DPP10: variants seen among roughly 807,000 people sequenced by gnomAD.
The protein encoded by DPP10 is inactive dipeptidyl peptidase 10.
In DPP10, 33 loss-of-function variants were observed where a neutral mutation model predicts 120.9. The ratio of observed to expected loss-of-function variants is 0.27; its 90% CI spans 0.21 to 0.37. The LOEUF is 0.37. Among genes scored for constraint, DPP10 ranks in the 10% least tolerant of loss-of-function variants. The pLI, the probability that DPP10 is intolerant of heterozygous loss-of-function variation, is 1.00. For missense variants in DPP10, 816 were observed against 942.8 expected (o/e 0.87, Z 1.76); for synonymous variants, 337 against 326.1 (o/e 1.03, Z -0.36).
At chr2:115,095,398 T>C (rs35095532) in intron 1 of DPP10, among the ~76,000 whole-genome samples, 3,123 of 152,082 alleles carry the variant, frequency 0.021, 54 homozygotes, top group Non-Finnish European at 0.033. Context: ...AGTGTGAGGG[T>C]GAGTTAGTTG....
At chr2:115,616,012 T>A (rs1369674836) in intron 5 of DPP10, among the ~76,000 whole-genome samples, 1 of 152,184 alleles carries the variant, frequency 6.6e-6, no homozygotes, top group East Asian at 1.9e-4. Flanking sequence ...ATTATTCAGA[T>A]TTGCTTAAAT....
intron 1 of DPP10, among the ~76,000 whole-genome samples, chr2:114,981,205 C>A (rs546938738): frequency 6.6e-6 from 1 of 152,000 alleles, no homozygotes; most frequent in Admixed American, 6.6e-5. Flanking sequence ...TGGGGCTATA[C>A]GATGTCTGTG....
rs76392858 is a variant in DPP10, at chr2:114,668,846, T to G, written c.60+226008T>G. ...ATTGCATTTCAAGCTTCAGAAGTTA[T>G]GCCCTTTATTATTTTCTCTCTCTCC... On this transcript the variant is annotated intron_variant, in intron 1 of 25. Coordinates refer to ENST00000410059, the MANE Select transcript of DPP10 (RefSeq NM_020868.6). Among the ~76,000 whole-genome samples, 17 of 152,266 alleles carry G rather than the reference T, an allele frequency of 1.1e-4. No individual in the cohort carries two copies. In the East Asian group the frequency reaches 3.3e-3, roughly 29 times the overall value.
chr2:114,973,661 CAA>C (rs58042446), intron 1 of DPP10, among the ~76,000 whole-genome samples: 36 of 70,992 alleles, frequency 5.1e-4, no homozygotes, highest in South Asian at 2.0e-3. Context: ...GACTCCGTCT[CAA>C]AAAAAAAAAA....
At chr2:115,663,120 C>T (rs72828510) in intron 5 of DPP10, among the ~76,000 whole-genome samples, 3,954 of 152,080 alleles carry the variant, frequency 0.026, 54 homozygotes, top group African/African-American at 0.03. Flanking sequence ...GCATCCATCC[C>T]CTCAAGCATT....
intron 1 of DPP10, among the ~76,000 whole-genome samples, chr2:114,748,404 A>C (rs1678844785): frequency 1.8e-5 from 2 of 111,836 alleles, no homozygotes; most frequent in South Asian, 2.6e-4. Context: ...ATTTATTTTA[A>C]ATTTTTTTTT....
At chr2:115,221,634 T>A (rs2057165132) in intron 1 of DPP10, among the ~76,000 whole-genome samples, 1 of 152,118 alleles carries the variant, frequency 6.6e-6, no homozygotes, top group Non-Finnish European at 1.5e-5. Context: ...TCTGACTCTT[T>A]GAAAAAGATT....
At chr2:115,594,370 A>G (rs1158724637) in intron 5 of DPP10, among the ~76,000 whole-genome samples, 2 of 152,194 alleles carry the variant, frequency 1.3e-5, no homozygotes, top group Non-Finnish European at 2.9e-5. Context: ...ACAAGAGTAT[A>G]TTTACTCAGT....
intron 1 of DPP10, among the ~76,000 whole-genome samples, chr2:114,527,524 T>C (rs1003897282): frequency 6.6e-6 from 1 of 152,178 alleles, no homozygotes; most frequent in Non-Finnish European, 1.5e-5. Flanking sequence ...TTGACAGTAT[T>C]AACATTTATG....
chr2:115,226,935 A>G (rs932682545), intron 1 of DPP10, among the ~76,000 whole-genome samples: 4 of 152,200 alleles, frequency 2.6e-5, no homozygotes, highest in Non-Finnish European at 5.9e-5. Flanking sequence ...ACAGATTTCA[A>G]GTAAAACAAA....
chr2:115,728,891 T>G (rs1575615447), intron 8 of DPP10, among the ~76,000 whole-genome samples: 1 of 152,268 alleles, frequency 6.6e-6, no homozygotes, highest in East Asian at 1.9e-4. Flanking sequence ...TTACGTGAAA[T>G]ATTTTGTTAG....
chr2:115,512,315 G>C (rs1233250323), intron 4 of DPP10, among the ~76,000 whole-genome samples: 1 of 151,866 alleles, frequency 6.6e-6, no homozygotes, highest in Non-Finnish European at 1.5e-5. Context: ...GCCCAGGCTG[G>C]TTGTGAACAA....
At chr2:115,693,722 G>A (rs935216933) in intron 7 of DPP10, among the ~76,000 whole-genome samples, 2 of 151,896 alleles carry the variant, frequency 1.3e-5, no homozygotes, top group African/African-American at 4.8e-5. Flanking sequence ...AAAAATTATA[G>A]GTTCCCTGTT....
At chr2:115,097,779 C>T (rs528597297) in intron 1 of DPP10, among the ~76,000 whole-genome samples, 1 of 152,246 alleles carries the variant, frequency 6.6e-6, no homozygotes, top group East Asian at 1.9e-4. Context: ...CCACCTAGAA[C>T]AGTTTTTTGA....
At chr2:115,150,467 A>G (rs1251870014) in intron 1 of DPP10, among the ~76,000 whole-genome samples, 1 of 152,194 alleles carries the variant, frequency 6.6e-6, no homozygotes, top group Non-Finnish European at 1.5e-5. Context: ...TATACACACA[A>G]CAGAAAAAAA....
intron 1 of DPP10, among the ~76,000 whole-genome samples, chr2:114,958,323 G>C (rs1375651207): frequency 1.3e-5 from 2 of 152,096 alleles, no homozygotes; most frequent in Non-Finnish European, 2.9e-5. Context: ...TTTCAATCTT[G>C]TCTACCTATT....
In DPP10 at chr2:114,888,601, A is replaced by G. The variant is rs1011891413; in HGVS notation, c.61-420638A>G. Among the ~76,000 whole-genome samples, 16 of 152,356 alleles carry G rather than the reference A, an allele frequency of 1.1e-4. No individual in the cohort carries two copies. In the East Asian group the frequency reaches 2.7e-3, roughly 26 times the overall value. On this transcript the variant is annotated intron_variant, in intron 1 of 25. Transcript: ENST00000410059. ...TAGATAGAACTTGAATTTCATTTTGAGAATGATTGAAGTTTGGGTTAAAGA... is the reference window on the plus strand; with the variant it reads ...TAGATAGAACTTGAATTTCATTTTGGGAATGATTGAAGTTTGGGTTAAAGA...
intron 1 of DPP10, among the ~76,000 whole-genome samples, chr2:114,540,892 C>T (rs1686896486): frequency 1.3e-5 from 2 of 152,202 alleles, no homozygotes; most frequent in South Asian, 4.1e-4. Flanking sequence ...TCACTAAAGG[C>T]TGTGAACTGC....
At chr2:115,642,571 A>G (rs1199752688) in intron 5 of DPP10, among the ~76,000 whole-genome samples, 1 of 151,318 alleles carries the variant, frequency 6.6e-6, no homozygotes, top group Non-Finnish European at 1.5e-5. Flanking sequence ...AAATTTCCCA[A>G]TCTTCCTCTC....
Sources: allele counts gnomAD v4.1 joint callset (sites outside exome capture counted in the v4.1 genomes callset), GRCh38; gene constraint gnomAD v4.1.1; transcripts MANE v1.5; gene names NCBI Gene and HGNC (gene_info 2026-07-23, HGNC 2026-07-21).